PCDHGA9: variants seen among roughly 807,000 people sequenced by gnomAD.
PCDHGA9 encodes the protein protocadherin gamma subfamily A, 9.
A neutral mutation model predicts 62.5 loss-of-function variants in PCDHGA9; 37 were observed. That is an observed-to-expected ratio of 0.59 (90% CI 0.46 to 0.78). The LOEUF (loss-of-function observed/expected upper bound fraction) is 0.78, where lower values mean the gene tolerates loss of function less well. Ranked by LOEUF, PCDHGA9 falls within the 30% of genes least tolerant of loss-of-function variation. The probability of loss-of-function intolerance (pLI) is 0.00; values close to 1 mark genes in which losing one functional copy is unlikely to be tolerated. For missense variants in PCDHGA9, 1,138 were observed against 1,166.2 expected (o/e 0.98, Z 0.35); for synonymous variants, 459 against 484.6 (o/e 0.95, Z 0.69).
At chr5:141,448,058 C>G (rs2098560499) in intron 1 of PCDHGA9, among the ~76,000 whole-genome samples, 2 of 151,936 alleles carry the variant, frequency 1.3e-5, no homozygotes, top group Non-Finnish European at 2.9e-5. Flanking sequence ...TGCTCTCCAG[C>G]CTGGGCAACA....
At chr5:141,415,747 T>G (rs774746065) in intron 1 of PCDHGA9, 22 of 797,580 alleles carry the variant, frequency 2.8e-5, no homozygotes, top group Middle Eastern at 5.1e-4. Context: ...AAGGTTTTTT[T>G]TTTTTTTTTT....
At position 141,415,074 on chromosome 5, in the gene PCDHGA9, G is replaced by C; in HGVS notation, c.2424+9698G>C. 3 of 1,613,448 alleles carry C rather than the reference G, an allele frequency of 1.9e-6. No homozygotes were observed. In the South Asian group the frequency reaches 3.3e-5, roughly 18 times the overall value. On this transcript the variant is annotated intron_variant, in intron 1 of 3. Coordinates refer to ENST00000573521, the MANE Select transcript of PCDHGA9 (RefSeq NM_018921.3). ...AGCACACGGGCGAGGTGCGCACGGCGCGAGCCCTGCTGGACAGAGACGCGC... is the reference window on the plus strand; with the variant it reads ...AGCACACGGGCGAGGTGCGCACGGCCCGAGCCCTGCTGGACAGAGACGCGC...
chr5:141,508,910 A>T (rs2099872999), intron 3 of PCDHGA9, among the ~76,000 whole-genome samples: 1 of 151,906 alleles, frequency 6.6e-6, no homozygotes, highest in Non-Finnish European at 1.5e-5. Context: ...GCGGTGGCGG[A>T]TCTGGCTTCC....
At chr5:141,418,740 TG>T in intron 1 of PCDHGA9, 1 of 1,613,972 alleles carries the variant, frequency 6.2e-7, no homozygotes, top group Non-Finnish European at 8.5e-7. Context: ...GTGTTCTCTC[TG>T]GATTACACTA....
In PCDHGA9 at chr5:141,511,519, C is replaced by G; in HGVS notation, c.*346C>G. 2.7e-6 allele frequency: 1 copy of G among 367,516 alleles called. No homozygotes were observed. Among genetic ancestry groups the G allele is most frequent in the African/African-American group, 2.1e-5 (1 of 48,286 alleles). 22.8% of individuals were successfully genotyped at this position (367,516 alleles called of 1,614,324 possible). A position where few individuals can be genotyped will look rare whatever the true frequency, so the allele number is the denominator to read the frequency against. ...CCAAATCAATCAGGCCCATCCATCC[C>G]ATGCCTCCCTCCTCCCCACCCCACT... On this transcript the variant is annotated 3_prime_UTR_variant, in exon 4 of 4. Coordinates refer to ENST00000573521, the MANE Select transcript of PCDHGA9 (RefSeq NM_018921.3).
intron 1 of PCDHGA9, among the ~76,000 whole-genome samples, chr5:141,461,805 C>T (rs773854105): frequency 4.6e-5 from 7 of 151,854 alleles, no homozygotes; most frequent in Non-Finnish European, 8.8e-5. Flanking sequence ...AGGTGCCCAC[C>T]ACCACACCCA....
rs2094501302 is a variant in PCDHGA9 at position 141,404,233 on chromosome 5, AG to A, written c.1283del (p.Gly428GlufsTer15). 1 of 1,613,628 alleles carries A rather than the reference AG, an allele frequency of 6.2e-7. No homozygotes were observed. Among genetic ancestry groups the A allele is most frequent in the African/African-American group, 1.3e-5 (1 of 74,928 alleles). ...YNITVTATDR[G>X]TPPLSTEIHI... is the part of the protein sequence containing the mutation. ...ATATCACGGTGACTGCAACAGACAG[AG>A]GAACTCCGCCCCTGTCCACAGAAAT... On this transcript the variant is annotated frameshift_variant, in exon 1 of 4. Coordinates refer to ENST00000573521, the MANE Select transcript of PCDHGA9 (RefSeq NM_018921.3). LOFTEE classifies it high-confidence loss of function.
chr5:141,421,561 G>T (rs2096583505), intron 1 of PCDHGA9: 1 of 1,613,992 alleles, frequency 6.2e-7, no homozygotes, highest in Non-Finnish European at 8.5e-7. Context: ...ACTTCTCGTG[G>T]AAGACACCTT....
At chr5:141,447,797 T>C (rs536848880) in intron 1 of PCDHGA9, among the ~76,000 whole-genome samples, 16 of 152,022 alleles carry the variant, frequency 1.1e-4, no homozygotes, top group Admixed American at 7.9e-4. Context: ...TTTAAGAAAA[T>C]AAAATTGGCT....
Position 141,486,534 on chromosome 5 carries a change from C to G in PCDHGA9, c.2425-8273C>G. The stretch of plus-strand genomic sequence containing the variant: ...TCAGATGTGAATGATAATCCACCCT[C>G]TTTCTTTCAGAGGTCACATGAGGTG... On this transcript the variant is annotated intron_variant, in intron 1 of 3. Transcript: ENST00000573521. The surrounding 1 kb of genome is among the most constrained non-coding windows in gnomAD (Gnocchi z 5.0). 1 of 1,614,176 alleles carries G rather than the reference C, an allele frequency of 6.2e-7. No individual in the cohort carries two copies. Among genetic ancestry groups the G allele is most frequent in the Non-Finnish European group, 8.5e-7 (1 of 1,180,030 alleles).
At chr5:141,408,302 C>G (rs1017556555) in intron 1 of PCDHGA9, 1 of 1,613,662 alleles carries the variant, frequency 6.2e-7, no homozygotes. Flanking sequence ...TGAGCCGATC[C>G]GCTACTCGAT....
At chr5:141,461,603 G>A (rs1413122199) in intron 1 of PCDHGA9, among the ~76,000 whole-genome samples, 8 of 152,092 alleles carry the variant, frequency 5.3e-5, no homozygotes, top group African/African-American at 1.9e-4. Context: ...TTATAATTTA[G>A]TTCAAAGTAT....
At position 141,457,041 on chromosome 5, in the gene PCDHGA9, A is replaced by T. The variant is rs151212070; in HGVS notation, c.2425-37766A>T. On this transcript the variant is annotated intron_variant, in intron 1 of 3. Transcript: ENST00000573521. ...AAGTCCTAGTAGACTCAGTGATAGT[A>T]AAACTTTCATGCTTCCTTTTTGCCA... 2.3e-4 allele frequency among the ~76,000 whole-genome samples: 35 copies of T among 152,360 alleles called. No individual in the cohort carries two copies. In the East Asian group the frequency reaches 6.4e-3, roughly 28 times the overall value.
intron 1 of PCDHGA9, among the ~76,000 whole-genome samples, chr5:141,407,122 G>A (rs987492570): frequency 3.9e-5 from 6 of 152,094 alleles, no homozygotes; most frequent in African/African-American, 1.4e-4. Context: ...GGTTTCAGTT[G>A]CTTTATTTTT....
intron 1 of PCDHGA9, chr5:141,429,216 T>A (rs1590916921): frequency 6.8e-6 from 1 of 146,786 alleles, no homozygotes; most frequent in Admixed American, 6.7e-5. Context: ...GTGTGAAAAG[T>A]GGGTATTATG....
At position 141,487,710 on chromosome 5, in the gene PCDHGA9, G is replaced by A. The variant is rs199722860; in HGVS notation, c.2425-7097G>A. ...CTAGAGAGTACTGGCCTCTCAGTAA[G>A]TGCCCATAGTGATGTCACCATTTTT... On this transcript the variant is annotated intron_variant, in intron 1 of 3. Transcript: ENST00000573521. The surrounding 1 kb of genome is among the most constrained non-coding windows in gnomAD (Gnocchi z 5.0). 3.8e-4 allele frequency: 596 copies of A among 1,586,168 alleles called. No individual in the cohort carries two copies. The highest frequency in any genetic ancestry group is 4.5e-4 in the Non-Finnish European group (529 of 1,164,386).
chr5:141,430,926 C>T, intron 1 of PCDHGA9: 1 of 1,607,426 alleles, frequency 6.2e-7, no homozygotes, highest in Non-Finnish European at 8.5e-7. Flanking sequence ...GGGCTGGAGC[C>T]CCGGGAGCTC....
At position 141,408,728 on chromosome 5, in the gene PCDHGA9, C is replaced by T. The variant is rs371316574; in HGVS notation, c.2424+3352C>T. ...TAAAGATTATAAGATAAACTCTAAT[C>T]CTTATTTTTCATTAATGGTTAGAGT... On this transcript the variant is annotated intron_variant, in intron 1 of 3. Transcript: ENST00000573521. 6.2e-7 allele frequency: 1 copy of T among 1,610,292 alleles called. No homozygotes were observed. Among genetic ancestry groups the T allele is most frequent in the African/African-American group, 1.3e-5 (1 of 74,802 alleles).
At chr5:141,413,785 C>G (rs771027783) in intron 1 of PCDHGA9, 17 of 1,613,070 alleles carry the variant, frequency 1.1e-5, no homozygotes, top group Non-Finnish European at 1.4e-5. Flanking sequence ...GGAGCACTCC[C>G]TAGATCGCGA....
Sources: allele counts gnomAD v4.1 joint callset (sites outside exome capture counted in the v4.1 genomes callset), GRCh38; gene constraint gnomAD v4.1.1; non-coding constraint Gnocchi (gnomAD v3.1); transcripts MANE v1.5; gene names NCBI Gene and HGNC (gene_info 2026-07-23, HGNC 2026-07-21).